The following SLC25A16 variants were observed in gnomAD, a reference collection of about 807,000 sequenced individuals.
SLC25A16 encodes the protein mitochondrial coenzyme A transporter SLC25A16.
In SLC25A16, 39 loss-of-function variants were observed where a neutral mutation model predicts 41.5. The ratio of observed to expected loss-of-function variants is 0.94; its 90% CI spans 0.73 to 1.23. The LOEUF (loss-of-function observed/expected upper bound fraction) is 1.23, where lower values mean the gene tolerates loss of function less well. Ranked by LOEUF, SLC25A16 falls within the 50% of genes most tolerant of loss-of-function variation. The pLI is 0.00. For missense variants in SLC25A16, 421 were observed against 426.9 expected, an observed-to-expected ratio of 0.99 and a Z score of 0.12; for synonymous variants, 146 against 147.8, an observed-to-expected ratio of 0.99 and a Z score of 0.09.
At chr10:68,511,471 G>A (rs1249278498) in intron 2 of SLC25A16, among the ~76,000 whole-genome samples, 1 of 152,040 alleles carries the variant, frequency 6.6e-6, no homozygotes, top group Non-Finnish European at 1.5e-5. Context: ...ATATGAATGT[G>A]TAACCTAATG....
intron 4 of SLC25A16, among the ~76,000 whole-genome samples, chr10:68,494,167 T>C (rs181100508): frequency 1.3e-5 from 2 of 152,280 alleles, no homozygotes; most frequent in East Asian, 3.9e-4. Flanking sequence ...GGTTACTGGC[T>C]GAAGGTGGTT....
intron 2 of SLC25A16, among the ~76,000 whole-genome samples, chr10:68,509,922 T>C (rs2488036): frequency 0.18 from 27,900 of 151,100 alleles, 2,988 homozygotes; most frequent in South Asian, 0.33. Flanking sequence ...ACTAAAAATA[T>C]AAAAATTAGC....
At chr10:68,504,442 GT>G (rs557634249) in intron 3 of SLC25A16, among the ~76,000 whole-genome samples, 6 of 143,282 alleles carry the variant, frequency 4.2e-5, no homozygotes, top group Non-Finnish European at 7.7e-5. Flanking sequence ...TGTTTTTTTT[GT>G]TTTTTTTTTT....
rs1245395748 is a variant in SLC25A16, at chr10:68,487,190, G to A, written c.796C>T (p.Arg266Trp). Residue 266 changes from arginine (R) to tryptophan (W), a missense_variant, in exon 8 of 9, where the codon CGG becomes TGG. Physicochemically the swap from Arg to Trp is moderately radical, Grantham distance 101. Coordinates refer to ENST00000609923, the MANE Select transcript of SLC25A16 (RefSeq NM_152707.4). ...AGAACAGTTCCTAATTGCATTCGCCGACGAGTCACATCAAATGGGTAGCTA... is the reference window on the plus strand; with the variant it reads ...AGAACAGTTCCTAATTGCATTCGCCAACGAGTCACATCAAATGGGTAGCTA... ...TISYPFDVTRRRMQLGTVLPE... is the reference protein window; with the variant it reads ...TISYPFDVTRWRMQLGTVLPE... 4 of 1,613,386 alleles carry A rather than the reference G, an allele frequency of 2.5e-6. No individual in the cohort carries two copies. The highest frequency in any genetic ancestry group is 3.4e-6 in the Non-Finnish European group (4 of 1,179,740).
chr10:68,499,751 C>A, intron 4 of SLC25A16: 1 of 392,890 alleles, frequency 2.5e-6, no homozygotes. Context: ...GTAGTCCAGG[C>A]TTACAGGAAG....
intron 2 of SLC25A16, among the ~76,000 whole-genome samples, chr10:68,513,902 C>T (rs1277791128): frequency 6.6e-6 from 1 of 151,762 alleles, no homozygotes; most frequent in East Asian, 1.9e-4. Context: ...AAAGCTAACG[C>T]AAATAATGTT....
chr10:68,494,853 C>T (rs10823214), intron 4 of SLC25A16, among the ~76,000 whole-genome samples: 22,367 of 146,326 alleles, frequency 0.15, 1,860 homozygotes, highest in South Asian at 0.25. Flanking sequence ...CACTCCAGCC[C>T]GGGCGACAAG....
chr10:68,500,220 T>A (rs1203780095), intron 4 of SLC25A16, among the ~76,000 whole-genome samples: 5 of 152,272 alleles, frequency 3.3e-5, no homozygotes, highest in Non-Finnish European at 1.5e-5. Context: ...AGAAGCCTTA[T>A]CAAAAGTAGA....
intron 1 of SLC25A16, among the ~76,000 whole-genome samples, chr10:68,524,707 CAA>C (rs1182825187): frequency 0.059 from 4,018 of 68,300 alleles, 64 homozygotes; most frequent in South Asian, 0.11. Flanking sequence ...GACTCCATCT[CAA>C]AAAAAAAAAA....
rs191485169 is a variant in SLC25A16 at position 68,509,060 on chromosome 10, G to C, written c.224-2342C>G. On this transcript the variant is annotated intron_variant, in intron 2 of 8. Coordinates refer to ENST00000609923, the MANE Select transcript of SLC25A16 (RefSeq NM_152707.4). ...TACAGTACTTCTAAAATTAAGGGCC[G>C]GGCGCGGTGGTTCATGTCTTTATTC... Among the ~76,000 whole-genome samples, 155 of 152,232 alleles carry C rather than the reference G, an allele frequency of 1.0e-3. 1 individual carries two copies. Among genetic ancestry groups the C allele is most frequent in the African/African-American group, 3.3e-3 (137 of 41,550 alleles).
chr10:68,483,472 G>T lies in SLC25A16; in HGVS notation c.959C>A (p.Thr320Lys). The T allele has an allele frequency of 1.2e-6, 2 of 1,608,770 alleles. No individual in the cohort carries two copies. The highest frequency in any genetic ancestry group is 1.7e-6 in the Non-Finnish European group (2 of 1,178,246). The change falls in exon 9 of 9, where the codon ACA (threonine) becomes AAA (lysine). Residue 320 changes from threonine (T) to lysine (K), a missense_variant. Coordinates refer to ENST00000609923, the MANE Select transcript of SLC25A16 (RefSeq NM_152707.4). ...RCIPSQAVAF[T>K]TYELMKQFFH... ...AAACTGCTTCATAAGTTCGTATGTT[G>T]TAAAAGCCACTGCTTGAGAGGGAAT...
At position 68,486,133 on chromosome 10, in the gene SLC25A16, G is replaced by A. The variant is rs550775015; in HGVS notation, c.842+1011C>T. On this transcript the variant is annotated intron_variant, in intron 8 of 8. Transcript: ENST00000609923. ...CTCGGGAGGCTGAGGCAGGAGAATCGCTTGAACCCGGAAGGGGGAGGTTGC... is the reference window on the plus strand; with the variant it reads ...CTCGGGAGGCTGAGGCAGGAGAATCACTTGAACCCGGAAGGGGGAGGTTGC... Among the ~76,000 whole-genome samples the A allele has an allele frequency of 7.4e-5, 11 of 149,486 alleles. No homozygotes were observed. The South Asian group carries it at 1.7e-3, about 23-fold the overall frequency.
rs181102480 is a variant in SLC25A16 at position 68,526,263 on chromosome 10, G to A, written c.130+983C>T. ...AAAAACCGCCTTAGGGCTGGAGGTG[G>A]GACCTGCGGGCAGCAATACTGCTTT... On this transcript the variant is annotated intron_variant, in intron 1 of 8. Coordinates refer to ENST00000609923, the MANE Select transcript of SLC25A16 (RefSeq NM_152707.4). Among the ~76,000 whole-genome samples the A allele has an allele frequency of 3.5e-3, 531 of 152,004 alleles. 5 individuals are homozygous for A. The highest frequency in any genetic ancestry group is 0.012 in the African/African-American group (502 of 41,418).
Position 68,483,577 on chromosome 10 carries a change from T to A in SLC25A16, c.854A>T (p.Asp285Val). ...GTGTCCATAGACATACTTCATAGTA[T>A]CCCGCATGGTACTGAAAGACAATGA... Reference protein sequence around the residue: ...PEFEKCLTMRDTMKYVYGHHG... With the variant: ...PEFEKCLTMRVTMKYVYGHHG... Residue 285 changes from aspartate (D) to valine (V), a missense_variant, in exon 9 of 9, where the codon GAT becomes GTT. By Grantham distance (152) the Asp-to-Val change is radical. Coordinates refer to ENST00000609923, the MANE Select transcript of SLC25A16 (RefSeq NM_152707.4). 1 of 1,603,126 alleles carries A rather than the reference T, an allele frequency of 6.2e-7. No individual in the cohort carries two copies. Among genetic ancestry groups the A allele is most frequent in the Non-Finnish European group, 8.5e-7 (1 of 1,175,680 alleles).
At chr10:68,527,184 C>G in intron 1 of SLC25A16, 62 bp downstream of exon 1, 2 of 1,512,988 alleles carry the variant, frequency 1.3e-6, no homozygotes, top group Non-Finnish European at 1.8e-6. Context: ...TTGCATCCCA[C>G]TTGCCCACAG....
At chr10:68,504,851 T>C (rs1018114459) in intron 3 of SLC25A16, among the ~76,000 whole-genome samples, 1 of 152,088 alleles carries the variant, frequency 6.6e-6, no homozygotes, top group African/African-American at 2.4e-5. Context: ...CAGCTAATTT[T>C]GTATTTTTAG....
At chr10:68,503,857 T>G (rs1240052331) in intron 3 of SLC25A16, among the ~76,000 whole-genome samples, 162 bp from the exon 4 acceptor site, 1 of 152,136 alleles carries the variant, frequency 6.6e-6, no homozygotes, top group African/African-American at 2.4e-5. Flanking sequence ...TTGGCAGTGT[T>G]ATATCACAGC....
intron 1 of SLC25A16, among the ~76,000 whole-genome samples, chr10:68,523,144 C>T (rs2133604221): frequency 6.6e-6 from 1 of 152,256 alleles, no homozygotes; most frequent in South Asian, 2.1e-4. Context: ...GGCTTGAGTG[C>T]AGTGCTGCGA....
chr10:68,524,339 C>A (rs2053300534), intron 1 of SLC25A16, among the ~76,000 whole-genome samples: 2 of 118,802 alleles, frequency 1.7e-5, no homozygotes, highest in African/African-American at 7.0e-5. Context: ...AAAGAGAGAT[C>A]GAGACCATCC....
Sources: allele counts gnomAD v4.1 joint callset (sites outside exome capture counted in the v4.1 genomes callset), GRCh38; gene constraint gnomAD v4.1.1; transcripts MANE v1.5; gene names NCBI Gene and HGNC (gene_info 2026-07-23, HGNC 2026-07-21).